Variants in CDH8 observed in about 807,000 individuals in gnomAD.
CDH8 encodes the protein cadherin 8.
A neutral mutation model predicts 68.1 loss-of-function variants in CDH8; 17 were observed. The observed-to-expected ratio is 0.25, with a 90% confidence interval of 0.17 to 0.37. The LOEUF (loss-of-function observed/expected upper bound fraction) is 0.37. CDH8 is among the 10% of genes least tolerant of loss of function. The pLI, the probability that CDH8 is intolerant of heterozygous loss-of-function variation, is 1.00. For missense variants in CDH8, 763 were observed against 999.3 expected, an observed-to-expected ratio of 0.76 and a Z score of 3.19; for synonymous variants, 372 against 365.1, an observed-to-expected ratio of 1.02 and a Z score of -0.21.
intron 2 of CDH8, among the ~76,000 whole-genome samples, chr16:61,930,844 C>G (rs879481242): frequency 2.0e-5 from 3 of 152,060 alleles, no homozygotes; most frequent in Admixed American, 2.0e-4. Context: ...TTGTCTGCAA[C>G]AAAACAAAAA....
intron 2 of CDH8, among the ~76,000 whole-genome samples, chr16:61,928,203 T>C (rs1964486082): frequency 1.3e-5 from 2 of 152,240 alleles, no homozygotes; most frequent in South Asian, 4.1e-4. Context: ...ACCAAATTTC[T>C]TGATGTGAAT....
rs372733742 is a variant in CDH8, at chr16:61,656,062, C to T, written c.1655-341G>A. 9.9e-5 allele frequency among the ~76,000 whole-genome samples: 15 copies of T among 152,088 alleles called. No individual in the cohort carries two copies. The East Asian group carries it at 2.7e-3, about 28-fold the overall frequency. ...TAATTTTTTGTATTTTTAGTAGAGA[C>T]GGAGTTTCACCGTGTTAGCCAGGAT... On this transcript the variant is annotated intron_variant, in intron 10 of 11. Coordinates refer to ENST00000577390, the MANE Select transcript of CDH8 (RefSeq NM_001796.5).
At chr16:62,008,693 G>A (rs1416072293) in intron 2 of CDH8, among the ~76,000 whole-genome samples, 6 of 152,082 alleles carry the variant, frequency 3.9e-5, no homozygotes, top group African/African-American at 1.4e-4. Context: ...GTTGGAATGT[G>A]AAATTTGGGT....
intron 7 of CDH8, among the ~76,000 whole-genome samples, chr16:61,804,061 G>T (rs1347692940): frequency 3.0e-5 from 4 of 131,786 alleles, no homozygotes; most frequent in African/African-American, 3.2e-5. Flanking sequence ...TGACCACATA[G>T]TTGGAAGTAA....
intron 3 of CDH8, among the ~76,000 whole-genome samples, chr16:61,884,455 C>T (rs1219507214): frequency 6.6e-6 from 1 of 150,622 alleles, no homozygotes; most frequent in Non-Finnish European, 1.5e-5. Context: ...CTCATTGCAA[C>T]CTCTGCCTCC....
Position 61,659,711 on chromosome 16 carries a change from C to T in CDH8, c.1655-3990G>A, listed in dbSNP as rs562698616. 2.0e-5 allele frequency among the ~76,000 whole-genome samples: 3 copies of T among 152,184 alleles called. 1 individual carries two copies. The highest frequency in any genetic ancestry group is 2.0e-4 in the Admixed American group (3 of 15,278). ...ATGCTCTGCCCTAAGGTTTAGCTGT[C>T]CCTCAGAGAAACATGCCATAATCTT... On this transcript the variant is annotated intron_variant, in intron 10 of 11. Coordinates refer to ENST00000577390, the MANE Select transcript of CDH8 (RefSeq NM_001796.5).
chr16:61,711,784 TC>T (rs968841979), intron 10 of CDH8: 1 of 151,714 alleles, frequency 6.6e-6, no homozygotes, highest in Non-Finnish European at 1.5e-5. Context: ...AGTCCTACTT[TC>T]CATAAGGCAG....
At chr16:61,709,186 A>G (rs1190881799) in intron 10 of CDH8, among the ~76,000 whole-genome samples, 1 of 152,020 alleles carries the variant, frequency 6.6e-6, no homozygotes, top group Non-Finnish European at 1.5e-5. Flanking sequence ...AAAGCAGCCT[A>G]TTGTAATAGC....
chr16:61,823,220 T>C (rs920513009), intron 5 of CDH8, among the ~76,000 whole-genome samples: 2 of 151,892 alleles, frequency 1.3e-5, no homozygotes, highest in Non-Finnish European at 2.9e-5. Flanking sequence ...TTTCTTCAGA[T>C]AAATCATCAA....
chr16:61,927,839 A>G (rs1964479222), intron 2 of CDH8, among the ~76,000 whole-genome samples: 2 of 152,216 alleles, frequency 1.3e-5, no homozygotes, highest in Non-Finnish European at 2.9e-5. Flanking sequence ...ATATTTGTTG[A>G]AGATATTGTT....
In CDH8 at chr16:61,737,187, A is replaced by G. The variant is rs566899577; in HGVS notation, c.1415-9972T>C. Among the ~76,000 whole-genome samples the G allele has an allele frequency of 3.5e-4, 53 of 152,286 alleles. 2 individuals carry two copies. The South Asian group carries it at 0.01, about 30-fold the overall frequency. ...GGGAATTTGCTTTTAACTGGTTTCC[A>G]TGAGCTGCTGTTTTTGCAGGCATCG... On this transcript the variant is annotated intron_variant, in intron 8 of 11. Coordinates refer to ENST00000577390, the MANE Select transcript of CDH8 (RefSeq NM_001796.5).
intron 6 of CDH8, among the ~76,000 whole-genome samples, chr16:61,820,267 G>C (rs7192262): frequency 0.54 from 81,313 of 150,012 alleles, 24,557 homozygotes; most frequent in African/African-American, 0.83. Context: ...GTCCTTCAGG[G>C]ACTAGAGAAA....
chr16:61,886,268 T>C (rs987467417), intron 3 of CDH8, among the ~76,000 whole-genome samples: 2 of 152,222 alleles, frequency 1.3e-5, no homozygotes, highest in Non-Finnish European at 2.9e-5. Context: ...ACAAGAGTGA[T>C]AGTCTATTTT....
At chr16:61,756,452 C>CT (rs1380766034) in intron 8 of CDH8, among the ~76,000 whole-genome samples, 1 of 152,036 alleles carries the variant, frequency 6.6e-6, no homozygotes, top group African/African-American at 2.4e-5. Flanking sequence ...TAAAAGATTC[C>CT]TTTTTAGATT....
chr16:61,932,207 C>CAA (rs35261724), intron 2 of CDH8, among the ~76,000 whole-genome samples: 14 of 83,560 alleles, frequency 1.7e-4, no homozygotes, highest in Admixed American at 3.6e-4. Context: ...AACTCCGTCT[C>CAA]AAAAAAAAAA....
At chr16:61,872,225 G>A (rs576548522) in intron 3 of CDH8, among the ~76,000 whole-genome samples, 7 of 152,268 alleles carry the variant, frequency 4.6e-5, no homozygotes, top group African/African-American at 9.6e-5. Context: ...AAAAGTATCC[G>A]AGACAGGTCA....
intron 8 of CDH8, among the ~76,000 whole-genome samples, chr16:61,765,281 C>A (rs955485637): frequency 6.6e-6 from 1 of 151,920 alleles, no homozygotes; most frequent in African/African-American, 2.4e-5. Context: ...ATGGCAGGAT[C>A]AATAAATCAA....
intron 6 of CDH8, among the ~76,000 whole-genome samples, chr16:61,818,713 A>T (rs1167158424): frequency 6.6e-6 from 1 of 152,186 alleles, no homozygotes; most frequent in Non-Finnish European, 1.5e-5. Context: ...TCAAGAATGC[A>T]AGTCTGTCGA....
intron 2 of CDH8, among the ~76,000 whole-genome samples, chr16:61,916,315 A>G (rs762528613): frequency 1.3e-5 from 2 of 152,078 alleles, no homozygotes; most frequent in Admixed American, 6.6e-5. Flanking sequence ...GGAGTTTGAG[A>G]CCATTCTGGC....
Sources: gnomAD v4.1 joint callset for allele counts (sites outside exome capture counted in the v4.1 genomes callset) on GRCh38, gnomAD v4.1.1 for gene constraint, MANE v1.5 for transcripts, NCBI Gene and HGNC (gene_info 2026-07-23, HGNC 2026-07-21) for gene names.